NRCAM: variants seen among roughly 807,000 people sequenced by gnomAD.
The protein encoded by NRCAM is NgCAM-related cell adhesion molecule.
NRCAM carries 83 observed loss-of-function variants against 156.5 expected under a neutral mutation model. The ratio of observed to expected loss-of-function variants is 0.53; its 90% CI spans 0.44 to 0.64. The LOEUF is 0.64. NRCAM is among the 30% of genes least tolerant of loss of function. The probability of loss-of-function intolerance (pLI) is 0.00; values close to 1 mark genes in which losing one functional copy is unlikely to be tolerated. For missense variants in NRCAM, 1,417 were observed against 1,597.3 expected (o/e 0.89, Z 1.92); for synonymous variants, 538 against 563.9 (o/e 0.95, Z 0.65).
chr7:108,214,543 CA>C (rs2086762975), intron 11 of NRCAM, among the ~76,000 whole-genome samples: 1 of 151,994 alleles, frequency 6.6e-6, no homozygotes, highest in African/African-American at 2.4e-5. Flanking sequence ...TTAATCTTTT[CA>C]AAAAACCAGC....
intron 1 of NRCAM, among the ~76,000 whole-genome samples, chr7:108,406,659 GAA>G (rs1203841019): frequency 6.6e-6 from 1 of 152,214 alleles, no homozygotes; most frequent in African/African-American, 2.4e-5. Flanking sequence ...CAGTCAAAAT[GAA>G]ATGAAATGCC....
intron 2 of NRCAM, among the ~76,000 whole-genome samples, chr7:108,394,910 AG>A (rs2099772604): frequency 6.6e-6 from 1 of 152,248 alleles, no homozygotes; most frequent in African/African-American, 2.4e-5. Flanking sequence ...GATTGTGAAG[AG>A]GAAGTTGTTT....
Position 108,150,151 on chromosome 7 carries a change from GAAGA to G in NRCAM, c.3678-8_3678-5del, listed in dbSNP as rs1258128673. 2 of 1,583,128 alleles carry G rather than the reference GAAGA, an allele frequency of 1.3e-6. No homozygotes were observed. The highest frequency in any genetic ancestry group is 1.7e-6 in the Non-Finnish European group (2 of 1,170,296). The stretch of plus-strand genomic sequence containing the variant: ...AGGCTTGTGGTCTTCTGCATCACTG[GAAGA>G]AAGAGAAAACATTTTTGTCAAGATT... On this transcript the variant is annotated splice_polypyrimidine_tract_variant and splice_region_variant and intron_variant, in intron 32 of 32. Transcript: ENST00000379028.
At chr7:108,275,726 T>A (rs984972212) in intron 3 of NRCAM, among the ~76,000 whole-genome samples, 1 of 152,188 alleles carries the variant, frequency 6.6e-6, no homozygotes, top group African/African-American at 2.4e-5. Flanking sequence ...TTCGTGTCTC[T>A]ATCTCCTTCA....
chr7:108,341,577 C>T (rs1309371763), intron 2 of NRCAM, among the ~76,000 whole-genome samples: 1 of 152,086 alleles, frequency 6.6e-6, no homozygotes, highest in Non-Finnish European at 1.5e-5. Context: ...GAAGGAACAA[C>T]CGTTTGTGGT....
At chr7:108,454,410 C>T (rs1854119075) in intron 1 of NRCAM, among the ~76,000 whole-genome samples, 1 of 152,156 alleles carries the variant, frequency 6.6e-6, no homozygotes, top group African/African-American at 2.4e-5. Context: ...AGCTGTGTGG[C>T]CTTGGGAAAG....
At chr7:108,250,348 C>A (rs534379521) in intron 3 of NRCAM, among the ~76,000 whole-genome samples, 1 of 148,410 alleles carries the variant, frequency 6.7e-6, no homozygotes, top group African/African-American at 2.5e-5. Context: ...ATGGCTTGAG[C>A]CTGGGAGGCA....
intron 2 of NRCAM, among the ~76,000 whole-genome samples, chr7:108,348,639 C>T (rs1433491957): frequency 1.3e-5 from 2 of 152,040 alleles, no homozygotes; most frequent in South Asian, 2.1e-4. Flanking sequence ...TGGGGCCGGG[C>T]GTAGCAGCTC....
At position 108,168,475 on chromosome 7, in the gene NRCAM, A is replaced by T. The variant is rs1476721553; in HGVS notation, c.3188-73T>A. 4 of 1,243,226 alleles carry T rather than the reference A, an allele frequency of 3.2e-6. No homozygotes were observed. The African/African-American group carries it at 6.2e-5, about 19-fold the overall frequency. The allele number at this position is 1,243,226 out of a possible 1,614,324, so 77.0% of individuals were successfully genotyped here. ...ATACACACGAATATAAAATAAGTTT[A>T]AATACTCTGAAATTGTGCAAATAGA... On this transcript the variant is annotated intron_variant, in intron 28 of 32. Transcript: ENST00000379028.
chr7:108,386,397 T>C (rs17155643), intron 2 of NRCAM, among the ~76,000 whole-genome samples: 9,682 of 152,280 alleles, frequency 0.064, 1,015 homozygotes, highest in African/African-American at 0.22. Context: ...TCTTTAATCT[T>C]ATCTCTAAGC....
At chr7:108,368,290 T>C (rs559475234) in intron 2 of NRCAM, among the ~76,000 whole-genome samples, 101 of 136,480 alleles carry the variant, frequency 7.4e-4, no homozygotes, top group African/African-American at 2.7e-3. Flanking sequence ...AAACATGGTT[T>C]CTAAAAGATT....
chr7:108,177,398 C>T lies in NRCAM; in HGVS notation c.2974+592G>A, dbSNP rs867239820. 4.6e-5 allele frequency among the ~76,000 whole-genome samples: 7 copies of T among 152,112 alleles called. No homozygotes were observed. In the South Asian group the frequency reaches 1.0e-3, roughly 23 times the overall value. Reference sequence around the variant, plus strand: ...CAGCACTTTGGGAGGCTGAGGTGGGCAGATCACGAGGTCAGGAGATCAAGA... The same window carrying T: ...CAGCACTTTGGGAGGCTGAGGTGGGTAGATCACGAGGTCAGGAGATCAAGA... On this transcript the variant is annotated intron_variant, in intron 26 of 32. Transcript: ENST00000379028.
chr7:108,436,454 A>G (rs1169115458), intron 1 of NRCAM, among the ~76,000 whole-genome samples: 1 of 152,202 alleles, frequency 6.6e-6, no homozygotes, highest in Non-Finnish European at 1.5e-5. Flanking sequence ...AAGAGATACT[A>G]AAGTATTTAC....
rs765103273 is a variant in NRCAM, at chr7:108,197,959, G to T, written c.1348C>A (p.Leu450Met). 3 of 1,568,534 alleles carry T rather than the reference G, an allele frequency of 1.9e-6. No individual in the cohort carries two copies. The highest frequency in any genetic ancestry group is 4.7e-5 in the East Asian group (2 of 42,996). ...CTTTAATAAAATGAGAGCTTACCCA[G>T]CACATTTACAAATGCGTTTGCCAGT... ...YLLANAFVNV[L>M]AEPPRILTPA... The change falls in exon 14 of 33, where the codon CTG (leucine) becomes ATG (methionine). Residue 450 changes from leucine to methionine, a missense_variant. Coordinates refer to ENST00000379028, the MANE Select transcript of NRCAM (RefSeq NM_001037132.4).
intron 2 of NRCAM, among the ~76,000 whole-genome samples, chr7:108,348,608 G>A (rs566684432): frequency 6.6e-6 from 1 of 152,222 alleles, no homozygotes; most frequent in African/African-American, 2.4e-5. Flanking sequence ...TTTTGAGGCA[G>A]AGTTTGCAGA....
rs1029345605 is a variant in NRCAM, at chr7:108,418,599, A to G, written c.-331-19006T>C. Among the ~76,000 whole-genome samples, 8 of 143,240 alleles carry G rather than the reference A, an allele frequency of 5.6e-5. No homozygotes were observed. In the East Asian group the frequency reaches 8.3e-4, roughly 15 times the overall value. The allele number at this position is 143,240 out of a possible 152,430, so 94.0% of individuals were successfully genotyped here. On this transcript the variant is annotated intron_variant, in intron 1 of 32. Coordinates refer to ENST00000379028, the MANE Select transcript of NRCAM (RefSeq NM_001037132.4). Reference sequence around the variant, plus strand: ...CACACACACACACACACACACACACACGCACTGAAAGTTGCTATCACTAAG... The same window carrying G: ...CACACACACACACACACACACACACGCGCACTGAAAGTTGCTATCACTAAG...
chr7:108,197,306 G>A (rs2075671434), intron 14 of NRCAM, among the ~76,000 whole-genome samples: 1 of 152,138 alleles, frequency 6.6e-6, no homozygotes, highest in Admixed American at 6.6e-5. Flanking sequence ...AGTATTGGTT[G>A]GCTTACTGAT....
At chr7:108,451,593 T>C (rs1850482174) in intron 1 of NRCAM, among the ~76,000 whole-genome samples, 1 of 152,188 alleles carries the variant, frequency 6.6e-6, no homozygotes, top group East Asian at 1.9e-4. Context: ...AAATGTGGCA[T>C]ATACATACAA....
chr7:108,296,414 G>T (rs1435678807), intron 3 of NRCAM, among the ~76,000 whole-genome samples: 2 of 152,152 alleles, frequency 1.3e-5, no homozygotes, highest in Non-Finnish European at 2.9e-5. Flanking sequence ...GCAAGGATCA[G>T]AGCAGAAAGT....
Sources: gnomAD v4.1 joint callset for allele counts (sites outside exome capture counted in the v4.1 genomes callset) on GRCh38, gnomAD v4.1.1 for gene constraint, MANE v1.5 for transcripts, NCBI Gene and HGNC (gene_info 2026-07-23, HGNC 2026-07-21) for gene names.